The following SNX18 variants were observed in gnomAD, a reference collection of about 807,000 sequenced individuals.
The protein encoded by SNX18 is sorting nexin-18.
Under a neutral mutation model 48.7 loss-of-function variants are expected in SNX18, and 35 were observed. That is an observed-to-expected ratio of 0.72 (90% CI 0.55 to 0.95). The LOEUF (loss-of-function observed/expected upper bound fraction) is 0.95. Ranked by LOEUF, SNX18 falls within the 40% of genes least tolerant of loss-of-function variation. The pLI is 0.00. For missense variants in SNX18, 824 were observed against 871.0 expected (o/e 0.95, Z 0.68); for synonymous variants, 492 against 384.7 (o/e 1.28, Z -3.26).
chr5:54,626,426 G>A, the SNX18 span, among the ~76,000 whole-genome samples: 28 of 152,140 alleles, frequency 1.8e-4, no homozygotes, highest in African/African-American at 6.8e-4. Flanking sequence ...AGAGTGCTAG[G>A]ATTACAGGCA....
chr5:54,596,710 TTTC>T, the SNX18 span, among the ~76,000 whole-genome samples: 1 of 152,188 alleles, frequency 6.6e-6, no homozygotes, highest in Non-Finnish European at 1.5e-5. Context: ...AGATCTCAAT[TTTC>T]TTATCTGTCC....
At chr5:54,557,468 T>G in the SNX18 span, among the ~76,000 whole-genome samples, 1 of 152,236 alleles carries the variant, frequency 6.6e-6, no homozygotes, top group East Asian at 1.9e-4. Context: ...CAACAATTTC[T>G]CAAGCCTGAA....
chr5:54,552,482 C>T, the SNX18 span, among the ~76,000 whole-genome samples: 16 of 152,214 alleles, frequency 1.1e-4, no homozygotes, highest in African/African-American at 3.4e-4. Context: ...GACCAGACTT[C>T]GGACCAGCAT....
chr5:54,613,433 G>A, the SNX18 span, among the ~76,000 whole-genome samples: 1 of 151,968 alleles, frequency 6.6e-6, no homozygotes, highest in African/African-American at 2.4e-5. Context: ...GCTTTTATCC[G>A]GAAGCCACTC....
the SNX18 span, among the ~76,000 whole-genome samples, chr5:54,611,237 GT>G: frequency 7.2e-5 from 11 of 152,082 alleles, no homozygotes; most frequent in South Asian, 4.1e-4. Flanking sequence ...CTTCCTTCTG[GT>G]TTTTAAGATC....
the SNX18 span, among the ~76,000 whole-genome samples, chr5:54,571,279 T>C: frequency 1.3e-4 from 20 of 152,300 alleles, no homozygotes; most frequent in African/African-American, 4.8e-4. Context: ...CAGGCGAGGC[T>C]GTCCACTCTG....
At chr5:54,604,862 A>C in the SNX18 span, among the ~76,000 whole-genome samples, 1 of 152,166 alleles carries the variant, frequency 6.6e-6, no homozygotes, top group African/African-American at 2.4e-5. Flanking sequence ...TTTAGATTGG[A>C]TGTCTAGGGA....
Position 54,517,856 on chromosome 5 carries a change from G to C in SNX18, c.-97G>C, listed in dbSNP as rs1053341774. On this transcript the variant is annotated 5_prime_UTR_variant, in exon 1 of 2. Coordinates refer to ENST00000381410, the MANE Select transcript of SNX18 (RefSeq NM_001102575.2). ...TGGGTTTGCCGCCTTCGGGGCTCCA[G>C]TCCGCGCGCCAGGGCTCGAGCAGTA... 8.5e-6 allele frequency: 11 copies of C among 1,295,954 alleles called. No homozygotes were observed. Among genetic ancestry groups the C allele is most frequent in the Non-Finnish European group, 1.1e-5 (11 of 1,013,496 alleles). 80.3% of individuals were successfully genotyped at this position (1,295,954 alleles called of 1,614,324 possible). A position where few individuals can be genotyped will look rare whatever the true frequency, so the allele number is the denominator to read the frequency against.
At chr5:54,550,244 A>G (rs1762630047), downstream of SNX18, among the ~76,000 whole-genome samples, 1 of 152,206 alleles carries the variant, frequency 6.6e-6, no homozygotes, top group South Asian at 2.1e-4. Context: ...TGTATGAAAC[A>G]AAGGACCTAT....
At chr5:54,641,687 TGTAA>T in the SNX18 span, among the ~76,000 whole-genome samples, 1 of 152,224 alleles carries the variant, frequency 6.6e-6, no homozygotes, top group East Asian at 1.9e-4. Context: ...AGAATTATTC[TGTAA>T]GTGACAGGGA....
the SNX18 span, among the ~76,000 whole-genome samples, chr5:54,607,697 C>T: frequency 6.6e-6 from 1 of 152,104 alleles, no homozygotes; most frequent in South Asian, 2.1e-4. Context: ...CTCTGGGAGG[C>T]CGAGGCAGGC....
chr5:54,574,704 AC>A, the SNX18 span, among the ~76,000 whole-genome samples: 2 of 152,130 alleles, frequency 1.3e-5, no homozygotes, highest in African/African-American at 2.4e-5. Context: ...ATGCTAAGGA[AC>A]GAGAACCAGC....
At chr5:54,613,673 C>T in the SNX18 span, among the ~76,000 whole-genome samples, 1 of 152,182 alleles carries the variant, frequency 6.6e-6, no homozygotes, top group African/African-American at 2.4e-5. Flanking sequence ...TTTAATCAAT[C>T]AGTAAAAGGC....
At chr5:54,625,643 G>A in the SNX18 span, among the ~76,000 whole-genome samples, 1 of 152,114 alleles carries the variant, frequency 6.6e-6, no homozygotes, top group Non-Finnish European at 1.5e-5. Context: ...AATGAGTCCA[G>A]CCCATACTCA....
chr5:54,600,369 C>T, the SNX18 span, among the ~76,000 whole-genome samples: 16 of 152,282 alleles, frequency 1.1e-4, no homozygotes, highest in East Asian at 3.1e-3. Context: ...GACACTTTTA[C>T]ACTGTTGGTG....
At chr5:54,646,858 G>C in the SNX18 span, among the ~76,000 whole-genome samples, 1 of 152,088 alleles carries the variant, frequency 6.6e-6, no homozygotes, top group African/African-American at 2.4e-5. Flanking sequence ...CAAAACACAG[G>C]GTGAAACCAC....
At chr5:54,603,462 T>C in the SNX18 span, among the ~76,000 whole-genome samples, 2 of 152,108 alleles carry the variant, frequency 1.3e-5, no homozygotes, top group African/African-American at 4.8e-5. Flanking sequence ...TTGAGAGATT[T>C]GAACTTATAT....
the SNX18 span, among the ~76,000 whole-genome samples, chr5:54,596,969 A>G: frequency 6.6e-6 from 1 of 152,202 alleles, no homozygotes; most frequent in South Asian, 2.1e-4. Context: ...CAAGCTGGAT[A>G]AAGAGTCAAA....
intron 1 of SNX18, among the ~76,000 whole-genome samples, chr5:54,534,488 A>G (rs568387417): frequency 6.6e-6 from 1 of 152,158 alleles, no homozygotes; most frequent in East Asian, 1.9e-4. Flanking sequence ...AGGAGGCCAG[A>G]CAGCTTCTTT....
Sources: allele counts gnomAD v4.1 joint callset (sites outside exome capture counted in the v4.1 genomes callset), GRCh38; gene constraint gnomAD v4.1.1; transcripts MANE v1.5; gene names NCBI Gene and HGNC (gene_info 2026-07-23, HGNC 2026-07-21).